Variants in GLIS2 observed in about 807,000 individuals in gnomAD.
The protein encoded by GLIS2 is GLIS family zinc finger 2.
GLIS2 carries 14 observed loss-of-function variants against 35.6 expected under a neutral mutation model. The ratio of observed to expected loss-of-function variants is 0.39; its 90% CI spans 0.26 to 0.61. The LOEUF (loss-of-function observed/expected upper bound fraction) is 0.61. Among genes scored for constraint, GLIS2 ranks in the 20% least tolerant of loss-of-function variants. The pLI is 0.48. For synonymous variants in GLIS2, 368 were observed against 325.1 expected (o/e 1.13, Z -1.42); for missense variants, 675 against 713.4 (o/e 0.95, Z 0.61).
chr16:4,327,768 C>T (rs1455833544), intron 1 of GLIS2, among the ~76,000 whole-genome samples: 1 of 143,396 alleles, frequency 7.0e-6, no homozygotes, highest in Non-Finnish European at 1.5e-5. Context: ...GTCCCCGCGG[C>T]CGCCCCCGCG....
At chr16:4,323,617 C>T (rs930110052) in intron 1 of GLIS2, among the ~76,000 whole-genome samples, 1 of 152,116 alleles carries the variant, frequency 6.6e-6, no homozygotes, top group Non-Finnish European at 1.5e-5. Flanking sequence ...TCCCTGCTGG[C>T]GTTGGAGAAG....
chr16:4,333,653 TG>T (rs2053520648), intron 3 of GLIS2, 134 bp downstream of exon 3: 1 of 1,059,946 alleles, frequency 9.4e-7, no homozygotes, highest in Admixed American at 2.6e-5. Flanking sequence ...GGAGTCTACC[TG>T]GAAGGCTCTA....
At chr16:4,318,848 C>T (rs899924261) in intron 1 of GLIS2, among the ~76,000 whole-genome samples, 8 of 152,246 alleles carry the variant, frequency 5.3e-5, no homozygotes, top group Non-Finnish European at 1.2e-4. Context: ...CCGCTCCACT[C>T]GCCTGGAATC....
At chr16:4,328,347 C>T (rs749434131) in intron 1 of GLIS2, 1 of 152,384 alleles carries the variant, frequency 6.6e-6, no homozygotes, top group Non-Finnish European at 1.5e-5. Flanking sequence ...TCGCCTGCCC[C>T]CTTCACCCAG....
chr16:4,332,276 T>C lies in GLIS2; in HGVS notation c.-5T>C, dbSNP rs762891207. The C allele has an allele frequency of 1.9e-6, 3 of 1,611,736 alleles. No individual in the cohort carries two copies. The highest frequency in any genetic ancestry group is 2.5e-6 in the Non-Finnish European group (3 of 1,179,618). ...GCTGCCACCTCCAACTCCGGCCCCC[T>C]CACCATGCACTCCCTGGACGAGCCG... On this transcript the variant is annotated 5_prime_UTR_variant, in exon 2 of 7. Coordinates refer to ENST00000433375, the MANE Select transcript of GLIS2 (RefSeq NM_032575.3). This position sits in a 1 kb window ranked among gnomAD's most constrained non-coding sequence, Gnocchi z 5.4.
chr16:4,335,440 G>A lies in GLIS2; in HGVS notation c.775+47G>A, dbSNP rs1350599747. On this transcript the variant is annotated intron_variant, in intron 6 of 6. Transcript: ENST00000433375. The surrounding 1 kb of genome is among the most constrained non-coding windows in gnomAD (Gnocchi z 4.6). ...GCTTGGCCCATGAAGGGGGCGCTCA[G>A]CTGAGACCGGCTGGGCAGGTCCCCA... is the stretch of plus-strand genomic sequence containing the variant. 1 of 1,548,134 alleles carries A rather than the reference G, an allele frequency of 6.5e-7. No homozygotes were observed. The highest frequency in any genetic ancestry group is 1.4e-5 in the African/African-American group (1 of 73,742).
chr16:4,337,072 GC>G lies in GLIS2; in HGVS notation c.1128del (p.Gly377AlafsTer147). The G allele has an allele frequency of 3.2e-6, 5 of 1,539,580 alleles. No individual in the cohort carries two copies. Among genetic ancestry groups the G allele is most frequent in the Non-Finnish European group, 2.6e-6 (3 of 1,147,744 alleles). On this transcript the variant is annotated frameshift_variant, in exon 7 of 7. Transcript: ENST00000433375. LOFTEE classifies it high-confidence loss of function. ...PGLPGLPLPLAPGPLDLSALA... is the reference protein window; with the variant it reads ...PGLPGLPLPLXPGPLDLSALA... ...CCTGCCCGGCTTACCCCTACCCCTG[GC>G]CCCCGGCCCCCTTGACCTCAGTGCC...
intron 1 of GLIS2, among the ~76,000 whole-genome samples, chr16:4,323,461 G>A (rs573402345): frequency 1.5e-4 from 21 of 142,530 alleles, no homozygotes. Flanking sequence ...GGCAGGCAGC[G>A]GGGGGGTGGA....
At chr16:4,315,674 G>GT (rs997933514), upstream of GLIS2, among the ~76,000 whole-genome samples, 1 of 151,244 alleles carries the variant, frequency 6.6e-6, no homozygotes, top group Non-Finnish European at 1.5e-5. Flanking sequence ...CGCGGGGGGG[G>GT]GGTGGCGTGA....
Position 4,337,876 on chromosome 16 carries a change from TG to T in GLIS2, c.*353del. On this transcript the variant is annotated 3_prime_UTR_variant, in exon 7 of 7. Coordinates refer to ENST00000433375, the MANE Select transcript of GLIS2 (RefSeq NM_032575.3). ...CACCTAGTGACCACCCATGGCAAGT[TG>T]CCCTCTCCCAGCAGAGGGGGTGGGT... is the stretch of plus-strand genomic sequence containing the variant. 1 of 419,742 alleles carries T rather than the reference TG, an allele frequency of 2.4e-6. No individual in the cohort carries two copies. Among genetic ancestry groups the T allele is most frequent in the East Asian group, 4.8e-5 (1 of 20,848 alleles). The allele number at this position is 419,742 out of a possible 1,614,324, so 26.0% of individuals were successfully genotyped here.
Position 4,337,481 on chromosome 16 carries a change from T to G in GLIS2, c.1532T>G (p.Ile511Ser), listed in dbSNP as rs2141135510. 6.4e-7 allele frequency: 1 copy of G among 1,571,816 alleles called. No homozygotes were observed. Among genetic ancestry groups the G allele is most frequent in the Non-Finnish European group, 8.6e-7 (1 of 1,163,016 alleles). Residue 511 changes from isoleucine (I) to serine (S), a missense_variant, in exon 7 of 7, where the codon ATC becomes AGC. By Grantham distance (142) the Ile-to-Ser change is moderately radical. Coordinates refer to ENST00000433375, the MANE Select transcript of GLIS2 (RefSeq NM_032575.3). Reference sequence around the variant, plus strand: ...GCGTTGGCCCCTGGCTGGGTGGTCATCCCGCCGGGCTCGGTGCTGCTCAAA... The same window carrying G: ...GCGTTGGCCCCTGGCTGGGTGGTCAGCCCGCCGGGCTCGGTGCTGCTCAAA... ...PEALAPGWVV[I>S]PPGSVLLKPA...
In GLIS2 at chr16:4,337,208, C is replaced by T. The variant is rs75495782; in HGVS notation, c.1259C>T (p.Pro420Leu). The T allele has an allele frequency of 1.7e-3, 2,638 of 1,547,636 alleles. 40 individuals carry two copies. The African/African-American group carries it at 0.03, about 18-fold the overall frequency. Residue 420 changes from proline to leucine, a missense_variant, in exon 7 of 7, where the codon CCC becomes CTC. Coordinates refer to ENST00000433375, the MANE Select transcript of GLIS2 (RefSeq NM_032575.3). The part of the protein sequence containing the change: ...NLAKNPLLPS[P>L]FGAGGLGLPV... The stretch of plus-strand genomic sequence containing the variant: ...GCCAAGAACCCGCTGCTGCCCTCGC[C>T]CTTTGGGGCTGGCGGACTGGGCTTG...
chr16:4,336,616 A>T, intron 6 of GLIS2, 109 bp from the exon 7 acceptor site: 5 of 1,113,392 alleles, frequency 4.5e-6, no homozygotes, highest in Non-Finnish European at 4.0e-6. Context: ...GAATTGGGGC[A>T]TCTATGTTCC....
Position 4,332,898 on chromosome 16 carries a change from G to A in GLIS2, c.172+446G>A, listed in dbSNP as rs942769093. Among the ~76,000 whole-genome samples the A allele has an allele frequency of 3.3e-5, 5 of 152,146 alleles. No homozygotes were observed. Among genetic ancestry groups the A allele is most frequent in the African/African-American group, 7.2e-5 (3 of 41,428 alleles). ...CCTGCCTCCAAGAGCAGAGTCACCC[G>A]AAAACCAGATTCACCGCTTGTCTGA... is the stretch of plus-strand genomic sequence containing the variant. On this transcript the variant is annotated intron_variant, in intron 2 of 6. Transcript: ENST00000433375. The surrounding 1 kb of genome is among the most constrained non-coding windows in gnomAD (Gnocchi z 5.4).
At chr16:4,318,556 C>T (rs2053340272) in intron 1 of GLIS2, among the ~76,000 whole-genome samples, 1 of 152,182 alleles carries the variant, frequency 6.6e-6, no homozygotes, top group South Asian at 2.1e-4. Flanking sequence ...ATTTCTTCCC[C>T]CGCCTGAACT....
chr16:4,333,075 T>C (rs549314719), intron 2 of GLIS2, among the ~76,000 whole-genome samples: 46 of 152,310 alleles, frequency 3.0e-4, no homozygotes, highest in African/African-American at 8.2e-4. Flanking sequence ...TGTTCTGTTA[T>C]TAACCCTGCG....
chr16:4,320,449 G>T lies in GLIS2; in HGVS notation c.-67+4195G>T, dbSNP rs2053366335. 6.6e-6 allele frequency among the ~76,000 whole-genome samples: 1 copy of T among 152,168 alleles called. No individual in the cohort carries two copies. Among genetic ancestry groups the T allele is most frequent in the African/African-American group, 2.4e-5 (1 of 41,430 alleles). On this transcript the variant is annotated intron_variant, in intron 1 of 6. Coordinates refer to ENST00000433375, the MANE Select transcript of GLIS2 (RefSeq NM_032575.3). The surrounding 1 kb of genome is among the most constrained non-coding windows in gnomAD (Gnocchi z 5.6). Reference sequence around the variant, plus strand: ...AAACTGAGGCTCTGAGACATTTGAGGGTTTGGCCCGAGGTCACTCCCAATC... The same window carrying T: ...AAACTGAGGCTCTGAGACATTTGAGTGTTTGGCCCGAGGTCACTCCCAATC...
intron 1 of GLIS2, among the ~76,000 whole-genome samples, chr16:4,323,132 C>T (rs377509897): frequency 1.3e-5 from 2 of 152,200 alleles, no homozygotes; most frequent in Admixed American, 1.3e-4. Flanking sequence ...CTTTGCTGGC[C>T]TCAGATAGCT....
intron 1 of GLIS2, among the ~76,000 whole-genome samples, chr16:4,322,616 G>T (rs182200366): frequency 6.7e-6 from 1 of 149,934 alleles, no homozygotes; most frequent in Non-Finnish European, 1.5e-5. Context: ...CCCCCTGCAG[G>T]AGCAGCCCCC....
Sources: gnomAD v4.1 joint callset for allele counts (sites outside exome capture counted in the v4.1 genomes callset) on GRCh38, gnomAD v4.1.1 for gene constraint, Gnocchi (gnomAD v3.1) non-coding constraint, MANE v1.5 for transcripts, NCBI Gene and HGNC (gene_info 2026-07-23, HGNC 2026-07-21) for gene names.